Variants in OR2L2 observed in about 807,000 individuals in gnomAD.
OR2L2 encodes olfactory receptor 2L2.
For missense variants in OR2L2, 378 were observed against 375.2 expected (o/e 1.01, Z -0.06); for synonymous variants, 156 against 135.4 (o/e 1.15, Z -1.06).
At chr1:248,032,647 ATCAAGTT>A (rs1200048550) in intron 1 of OR2L2, among the ~76,000 whole-genome samples, 7 of 152,162 alleles carry the variant, frequency 4.6e-5, no homozygotes, top group Non-Finnish European at 7.4e-5. Flanking sequence ...GCATAATGTA[ATCAAGTT>A]TCATCTATGT....
At chr1:248,037,537 A>G (rs1467837232) in intron 2 of OR2L2, among the ~76,000 whole-genome samples, 2 of 152,210 alleles carry the variant, frequency 1.3e-5, no homozygotes, top group Non-Finnish European at 2.9e-5. Context: ...ATAAATGTAT[A>G]TATTTCTTAG....
At chr1:248,032,330 TACATATTATCTCATGTATTAA>T (rs1339617898) in intron 1 of OR2L2, among the ~76,000 whole-genome samples, 1 of 152,170 alleles carries the variant, frequency 6.6e-6, no homozygotes, top group Non-Finnish European at 1.5e-5. Flanking sequence ...CATGAGATAA[TACATATTATCTCATGTATTAA>T]ATATACATAA....
rs1332117925 is a variant in OR2L2 at position 248,042,082 on chromosome 1, A to G, written c.*2876A>G. ...TATGTTTATTGCGGCACTATTCACAATAGCAAAGACTTGGAACCAACCCAA... is the reference window on the plus strand; with the variant it reads ...TATGTTTATTGCGGCACTATTCACAGTAGCAAAGACTTGGAACCAACCCAA... On this transcript the variant is annotated 3_prime_UTR_variant, in exon 3 of 3. Transcript: ENST00000641771. 3 of 152,108 alleles carry G rather than the reference A, an allele frequency of 2.0e-5. No homozygotes were observed. The highest frequency in any genetic ancestry group is 4.4e-5 in the Non-Finnish European group (3 of 68,018). 9.4% of individuals were successfully genotyped at this position (152,108 alleles called of 1,614,324 possible).
chr1:248,033,753 T>C (rs1405446610), intron 1 of OR2L2, among the ~76,000 whole-genome samples: 1 of 152,068 alleles, frequency 6.6e-6, no homozygotes, highest in Non-Finnish European at 1.5e-5. Context: ...TCTCTTTTCT[T>C]CTATTGTTAT....
At chr1:248,030,607 T>G (rs954405602) in intron 1 of OR2L2, among the ~76,000 whole-genome samples, 3 of 152,158 alleles carry the variant, frequency 2.0e-5, no homozygotes, top group African/African-American at 7.2e-5. Context: ...TTTTGTTTTG[T>G]TTTGGTTTGA....
chr1:248,033,027 T>G (rs1344053013), intron 1 of OR2L2, among the ~76,000 whole-genome samples: 2 of 152,196 alleles, frequency 1.3e-5, no homozygotes, highest in Non-Finnish European at 2.9e-5. Flanking sequence ...ATTACAATGG[T>G]TTGACTTACA....
rs1272497037 is a variant in OR2L2 at position 248,039,109 on chromosome 1, C to A, written c.842C>A (p.Thr281Asn). 3 of 1,614,110 alleles carry A rather than the reference C, an allele frequency of 1.9e-6. No individual in the cohort carries two copies. The highest frequency in any genetic ancestry group is 2.5e-6 in the Non-Finnish European group (3 of 1,180,014). ...CTGGCTGTTTTCTACACCATCCTCA[C>A]CCCAATGCTCAACCCCATCATCTAC... is the stretch of plus-strand genomic sequence containing the variant. ...KILAVFYTIL[T>N]PMLNPIIYSL... is the part of the protein sequence containing the mutation. Residue 281 changes from threonine (T) to asparagine (N), a missense_variant, in exon 3 of 3, where the codon ACC becomes AAC. Coordinates refer to ENST00000641771, the MANE Select transcript of OR2L2 (RefSeq NM_001385855.1).
At chr1:248,035,807 T>C (rs888642955) in intron 2 of OR2L2, among the ~76,000 whole-genome samples, 183 bp downstream of exon 2, 1 of 152,062 alleles carries the variant, frequency 6.6e-6, no homozygotes, top group African/African-American at 2.4e-5. Flanking sequence ...TCATTACCTT[T>C]CTCCCATTCT....
chr1:248,038,102 T>A, intron 2 of OR2L2, 145 bp from the exon 3 acceptor site: 1 of 532,748 alleles, frequency 1.9e-6, no homozygotes, highest in Non-Finnish European at 3.3e-6. Flanking sequence ...TTAAAGTTTA[T>A]AATATGCATT....
Position 248,041,895 on chromosome 1 carries a change from A to C in OR2L2, c.*2689A>C, listed in dbSNP as rs889665151. The C allele has an allele frequency of 2.6e-5, 4 of 152,186 alleles. No individual in the cohort carries two copies. The highest frequency in any genetic ancestry group is 4.1e-4 in the South Asian group (2 of 4,826). 9.4% of individuals were successfully genotyped at this position (152,186 alleles called of 1,614,324 possible). On this transcript the variant is annotated 3_prime_UTR_variant, in exon 3 of 3. Coordinates refer to ENST00000641771, the MANE Select transcript of OR2L2 (RefSeq NM_001385855.1). ...GAGAGGATGTGGAGAAAACACTTTT[A>C]CACTGTTGTTGGGACTGTAAACTAG...
intron 2 of OR2L2, among the ~76,000 whole-genome samples, chr1:248,038,007 TAA>T (rs1282262696): frequency 1.3e-5 from 2 of 152,236 alleles, no homozygotes; most frequent in Non-Finnish European, 2.9e-5. Flanking sequence ...TGCATTCACA[TAA>T]GTTTTATTAC....
Position 248,030,089 on chromosome 1 carries a change from T to A in OR2L2, c.-243T>A, listed in dbSNP as rs1389612617. ...CAATGAAGGTCTCTGAAATCTCGTG[T>A]GTAGGGAAGAAAAATGAATATATGC... On this transcript the variant is annotated 5_prime_UTR_variant, in exon 1 of 3. Transcript: ENST00000641771. The A allele has an allele frequency of 3.3e-5, 5 of 152,138 alleles. No homozygotes were observed. In the East Asian group the frequency reaches 9.6e-4, roughly 29 times the overall value. 9.4% of individuals were successfully genotyped at this position (152,138 alleles called of 1,614,324 possible).
In OR2L2 at chr1:248,039,411, T is replaced by A; in HGVS notation, c.*205T>A. The A allele has an allele frequency of 2.6e-6, 1 of 387,868 alleles. No individual in the cohort carries two copies. The highest frequency in any genetic ancestry group is 4.5e-6 in the Non-Finnish European group (1 of 221,030). The allele number at this position is 387,868 out of a possible 1,614,324, so 24.0% of individuals were successfully genotyped here. On this transcript the variant is annotated 3_prime_UTR_variant, in exon 3 of 3. Transcript: ENST00000641771. Reference sequence around the variant, plus strand: ...CTATTTTGATTTTGTTTGTGTGTGGTTTTTGTTTGTTTGTTTGTTTGTCTT... The same window carrying A: ...CTATTTTGATTTTGTTTGTGTGTGGATTTTGTTTGTTTGTTTGTTTGTCTT...
In OR2L2 at chr1:248,030,075, T is replaced by A. The variant is rs1662578630; in HGVS notation, c.-257T>A. 6.6e-6 allele frequency: 1 copy of A among 152,168 alleles called. No individual in the cohort carries two copies. Among genetic ancestry groups the A allele is most frequent in the Admixed American group, 6.5e-5 (1 of 15,276 alleles). 9.4% of individuals were successfully genotyped at this position (152,168 alleles called of 1,614,324 possible). On this transcript the variant is annotated 5_prime_UTR_variant, in exon 1 of 3. Coordinates refer to ENST00000641771, the MANE Select transcript of OR2L2 (RefSeq NM_001385855.1). The stretch of plus-strand genomic sequence containing the variant: ...TTGCTACTGAATTCCAATGAAGGTC[T>A]CTGAAATCTCGTGTGTAGGGAAGAA...
chr1:248,038,718 A>G lies in OR2L2; in HGVS notation c.451A>G (p.Ser151Gly). 1 of 1,614,106 alleles carries G rather than the reference A, an allele frequency of 6.2e-7. No individual in the cohort carries two copies. The highest frequency in any genetic ancestry group is 8.5e-7 in the Non-Finnish European group (1 of 1,180,004). The change falls in exon 3 of 3, where the codon AGC becomes GGC. Residue 151 changes from serine to glycine, a missense_variant. Ser to Gly is a moderately conservative substitution (Grantham distance 56). Transcript: ENST00000641771. Reference sequence around the variant, plus strand: ...GATGATAACAGGATCTTGGATGATAAGCTCTATCAACTCTTGTGCTCACAC... The same window carrying G: ...GATGATAACAGGATCTTGGATGATAGGCTCTATCAACTCTTGTGCTCACAC... ...VMMITGSWMI[S>G]SINSCAHTVY...
chr1:248,039,070 C>T lies in OR2L2; in HGVS notation c.803C>T (p.Thr268Ile), dbSNP rs376393863. ...YVRPRSLRSP[T>I]EDKILAVFYT... Reference sequence around the variant, plus strand: ...CGTCCAAGATCCCTGCGATCTCCAACAGAGGACAAGATTCTGGCTGTTTTC... The same window carrying T: ...CGTCCAAGATCCCTGCGATCTCCAATAGAGGACAAGATTCTGGCTGTTTTC... Residue 268 changes from threonine (T) to isoleucine (I), a missense_variant, in exon 3 of 3, where the codon ACA becomes ATA. Coordinates refer to ENST00000641771, the MANE Select transcript of OR2L2 (RefSeq NM_001385855.1). The T allele has an allele frequency of 2.8e-5, 46 of 1,614,126 alleles. No homozygotes were observed. In the East Asian group the frequency reaches 5.3e-4, roughly 19 times the overall value.
chr1:248,042,053 C>T lies in OR2L2; in HGVS notation c.*2847C>T, dbSNP rs1662963880. 6.6e-6 allele frequency: 1 copy of T among 152,082 alleles called. No individual in the cohort carries two copies. The allele number at this position is 152,082 out of a possible 1,614,324, so 9.4% of individuals were successfully genotyped here. On this transcript the variant is annotated 3_prime_UTR_variant, in exon 3 of 3. Coordinates refer to ENST00000641771, the MANE Select transcript of OR2L2 (RefSeq NM_001385855.1). ...TCATGCTGCTATAAAGACACATGCA[C>T]ACCTATGTTTATTGCGGCACTATTC...
At position 248,041,428 on chromosome 1, in the gene OR2L2, C is replaced by T. The variant is rs1662947729; in HGVS notation, c.*2222C>T. 1 of 152,156 alleles carries T rather than the reference C, an allele frequency of 6.6e-6. No individual in the cohort carries two copies. Among genetic ancestry groups the T allele is most frequent in the African/African-American group, 2.4e-5 (1 of 41,438 alleles). 9.4% of individuals were successfully genotyped at this position (152,156 alleles called of 1,614,324 possible). ...ACCCTAGAAGAAAACCTAGGCTTTA[C>T]CATTCAGGACATAGGCATGGGCAAG... On this transcript the variant is annotated 3_prime_UTR_variant, in exon 3 of 3. Transcript: ENST00000641771.
rs147999494 is a variant in OR2L2, at chr1:248,039,022, C to A, written c.755C>A (p.Ala252Glu). ...THLTVVSFYY[A>E]PFAYTYVRPR... ...CTCACTGTAGTGTCCTTCTACTATGCACCCTTTGCTTATACCTATGTACGT... is the reference window on the plus strand; with the variant it reads ...CTCACTGTAGTGTCCTTCTACTATGAACCCTTTGCTTATACCTATGTACGT... Residue 252 changes from alanine to glutamate, a missense_variant, in exon 3 of 3, where the codon GCA (alanine) becomes GAA (glutamate). By Grantham distance (107) the Ala-to-Glu change is moderately radical. Coordinates refer to ENST00000641771, the MANE Select transcript of OR2L2 (RefSeq NM_001385855.1). The A allele has an allele frequency of 4.3e-6, 7 of 1,614,086 alleles. No individual in the cohort carries two copies. The highest frequency in any genetic ancestry group is 5.9e-6 in the Non-Finnish European group (7 of 1,179,996).
Sources: gnomAD v4.1 joint callset for allele counts (sites outside exome capture counted in the v4.1 genomes callset) on GRCh38, gnomAD v4.1.1 for gene constraint, MANE v1.5 for transcripts, NCBI Gene and HGNC (gene_info 2026-07-23, HGNC 2026-07-21) for gene names.